Variants in RHOA observed in about 807,000 individuals in gnomAD.
RHOA encodes the protein ras homolog family member A, also known as transforming protein RhoA.
In RHOA, 3 loss-of-function variants were observed where a neutral mutation model predicts 17.5. The observed-to-expected ratio is 0.17, with a 90% CI of 0.08 to 0.44. The LOEUF is 0.44. RHOA is among the 20% of genes least tolerant of loss of function. RHOA has a pLI of 0.99. For synonymous variants in RHOA, 98 were observed against 88.4 expected (o/e 1.11, Z -0.61); for missense variants, 56 against 242.3 (o/e 0.23, Z 5.10).
chr3:49,393,283 TCTC>T (rs1379829877), intron 1 of RHOA, among the ~76,000 whole-genome samples: 2 of 152,042 alleles, frequency 1.3e-5, no homozygotes, highest in African/African-American at 4.8e-5. Context: ...ATGGTGATCT[TCTC>T]CTTGCCAGGC....
chr3:49,372,867 A>G (rs2048168311), intron 2 of RHOA, among the ~76,000 whole-genome samples: 1 of 152,042 alleles, frequency 6.6e-6, no homozygotes, highest in African/African-American at 2.4e-5. Context: ...GTCACCTATA[A>G]AAACCGTTTT....
chr3:49,405,694 T>G (rs909782113), intron 1 of RHOA, among the ~76,000 whole-genome samples: 6 of 152,164 alleles, frequency 3.9e-5, no homozygotes, highest in African/African-American at 1.4e-4. Flanking sequence ...CTTCTTTTTT[T>G]TGTGTGTATG....
chr3:49,365,642 G>A (rs2048043465), intron 3 of RHOA, among the ~76,000 whole-genome samples: 1 of 145,648 alleles, frequency 6.9e-6, no homozygotes, highest in South Asian at 2.2e-4. Flanking sequence ...CTAGGCTGGA[G>A]TGCAGTGATG....
At chr3:49,365,738 A>G (rs1575644352) in intron 3 of RHOA, among the ~76,000 whole-genome samples, 1 of 151,588 alleles carries the variant, frequency 6.6e-6, no homozygotes, top group Admixed American at 6.6e-5. Flanking sequence ...TTACAGGTAC[A>G]TGCCACCATA....
intron 4 of RHOA, among the ~76,000 whole-genome samples, chr3:49,360,729 G>C (rs1377589168): frequency 1.3e-5 from 2 of 151,314 alleles, no homozygotes; most frequent in Non-Finnish European, 2.9e-5. Flanking sequence ...AAAGTGCTGG[G>C]ATACAGGCAT....
chr3:49,381,088 T>C (rs1241463316), intron 1 of RHOA, among the ~76,000 whole-genome samples: 2 of 151,836 alleles, frequency 1.3e-5, no homozygotes. Context: ...GGAAATGTGC[T>C]CAATGCATAT....
At chr3:49,407,243 T>G (rs1355493806) in intron 1 of RHOA, among the ~76,000 whole-genome samples, 1 of 140,900 alleles carries the variant, frequency 7.1e-6, no homozygotes, top group Non-Finnish European at 1.6e-5. Flanking sequence ...TTTTTTTTTT[T>G]TTTTTTTTTT....
chr3:49,404,313 A>AAAAG lies in RHOA; in HGVS notation c.-3+7506_-3+7507insCTTT, dbSNP rs10686310. ...ACAAGACCTTATCTCTCCAAAAAAA[A>AAAAG]GCCAGGCGCAGTGGCTCACACCCGT... On this transcript the variant is annotated intron_variant, in intron 1 of 4. Coordinates refer to ENST00000418115, the MANE Select transcript of RHOA (RefSeq NM_001664.4). Among the ~76,000 whole-genome samples, 112 of 149,344 alleles carry AAAAG rather than the reference A, an allele frequency of 7.5e-4. 1 individual carries two copies. The highest frequency in any genetic ancestry group is 1.3e-3 in the Admixed American group (19 of 14,946).
At chr3:49,364,924 C>A (rs866459949) in intron 3 of RHOA, among the ~76,000 whole-genome samples, 3 of 151,910 alleles carry the variant, frequency 2.0e-5, no homozygotes, top group Admixed American at 6.6e-5. Flanking sequence ...GAGCTGAGAT[C>A]GCACCATTGC....
At chr3:49,371,822 C>G (rs917482597) in intron 2 of RHOA, among the ~76,000 whole-genome samples, 1 of 152,186 alleles carries the variant, frequency 6.6e-6, no homozygotes, top group Non-Finnish European at 1.5e-5. Context: ...AAGTCAAGGT[C>G]TCTAAATTTC....
chr3:49,382,719 C>T (rs372429870), intron 1 of RHOA, among the ~76,000 whole-genome samples: 30 of 152,222 alleles, frequency 2.0e-4, no homozygotes, highest in East Asian at 5.8e-4. Flanking sequence ...CAACCAGGAC[C>T]CTATGGGATG....
chr3:49,371,929 G>A (rs150970602), intron 2 of RHOA, among the ~76,000 whole-genome samples: 1 of 152,300 alleles, frequency 6.6e-6, no homozygotes, highest in East Asian at 1.9e-4. Context: ...TACTGCCACA[G>A]ATGGAAAAGA....
At chr3:49,382,660 T>TAC (rs2048336256) in intron 1 of RHOA, among the ~76,000 whole-genome samples, 1 of 151,966 alleles carries the variant, frequency 6.6e-6, no homozygotes, top group African/African-American at 2.4e-5. Flanking sequence ...TAATAAACTT[T>TAC]ACATCTCTCA....
At chr3:49,375,048 A>C (rs1372557440) in intron 2 of RHOA, among the ~76,000 whole-genome samples, 1 of 152,044 alleles carries the variant, frequency 6.6e-6, no homozygotes, top group African/African-American at 2.4e-5. Context: ...AGGTGGGTGG[A>C]TCACCCGAGG....
At chr3:49,398,928 AC>A (rs1195245056) in intron 1 of RHOA, among the ~76,000 whole-genome samples, 1 of 148,194 alleles carries the variant, frequency 6.7e-6, no homozygotes, top group Non-Finnish European at 1.5e-5. Flanking sequence ...CTGGTGGCTC[AC>A]GCCTGTAATC....
chr3:49,380,049 T>C (rs116838413), intron 1 of RHOA, among the ~76,000 whole-genome samples: 210 of 152,310 alleles, frequency 1.4e-3, no homozygotes, highest in Non-Finnish European at 2.3e-3. Flanking sequence ...ACTTCCTAGC[T>C]TCCCTTGGAG....
intron 1 of RHOA, among the ~76,000 whole-genome samples, chr3:49,376,715 G>A (rs2048234109): frequency 6.6e-6 from 1 of 151,864 alleles, no homozygotes; most frequent in Non-Finnish European, 1.5e-5. Flanking sequence ...CTGATGAAAG[G>A]GAGTACCCAA....
intron 1 of RHOA, among the ~76,000 whole-genome samples, chr3:49,393,900 C>T (rs1257891393): frequency 2.1e-5 from 3 of 145,508 alleles, no homozygotes; most frequent in Non-Finnish European, 4.5e-5. Context: ...GAGATGGAGT[C>T]TCCTCTGTTG....
At chr3:49,408,305 C>T (rs764220830) in intron 1 of RHOA, among the ~76,000 whole-genome samples, 26 of 148,690 alleles carry the variant, frequency 1.7e-4, no homozygotes, top group South Asian at 4.3e-4. Context: ...TACATATACA[C>T]ACACACACAT....
Sources: gnomAD v4.1 joint callset for allele counts (sites outside exome capture counted in the v4.1 genomes callset) on GRCh38, gnomAD v4.1.1 for gene constraint, MANE v1.5 for transcripts, NCBI Gene and HGNC (gene_info 2026-07-23, HGNC 2026-07-21) for gene names.